PTGR2: variants seen among roughly 807,000 people sequenced by gnomAD.
PTGR2 encodes the protein 15-oxoprostaglandin 13-reductase.
Under a neutral mutation model 43.4 loss-of-function variants are expected in PTGR2, and 32 were observed. The ratio of observed to expected loss-of-function variants is 0.74; its 90% confidence interval spans 0.56 to 0.99. The LOEUF (loss-of-function observed/expected upper bound fraction) is 0.99, where lower values mean the gene tolerates loss of function less well. Among genes scored for constraint, PTGR2 ranks in the 50% least tolerant of loss-of-function variants. The pLI, the probability that PTGR2 is intolerant of heterozygous loss-of-function variation, is 0.00. For missense variants in PTGR2, 373 were observed against 420.0 expected, an observed-to-expected ratio of 0.89 and a Z score of 0.98; for synonymous variants, 106 against 139.2, an observed-to-expected ratio of 0.76 and a Z score of 1.68.
In PTGR2 at chr14:73,881,197, C is replaced by T. The variant is rs764867862; in HGVS notation, c.852-8C>T. 1.9e-6 allele frequency: 3 copies of T among 1,548,140 alleles called. No homozygotes were observed. The highest frequency in any genetic ancestry group is 1.1e-5 in the South Asian group (1 of 89,474). Reference sequence around the variant, plus strand: ...CTCTGATCATTATCCTTTTCTTCCTCACTGCAGGGAAAGATTTCTGGTATT... The same window carrying T: ...CTCTGATCATTATCCTTTTCTTCCTTACTGCAGGGAAAGATTTCTGGTATT... On this transcript the variant is annotated splice_polypyrimidine_tract_variant and splice_region_variant and intron_variant, in intron 7 of 9. Transcript: ENST00000555661.
At chr14:73,874,597 C>A (rs1047911635) in intron 4 of PTGR2, 3 of 456,380 alleles carry the variant, frequency 6.6e-6, no homozygotes, top group Non-Finnish European at 1.3e-5. Flanking sequence ...TGGGTTGTCA[C>A]TGTGTTGCCC....
intron 1 of PTGR2, among the ~76,000 whole-genome samples, chr14:73,852,577 A>ACGAG (rs1006358086): frequency 1.2e-4 from 19 of 152,196 alleles, no homozygotes; most frequent in African/African-American, 3.4e-4. Flanking sequence ...AACAAAGCAG[A>ACGAG]CGAGTCCTTA....
chr14:73,877,003 C>T lies in PTGR2; in HGVS notation c.354C>T (p.Asp118=), dbSNP rs1771390404. The T allele has an allele frequency of 1.2e-6, 2 of 1,610,560 alleles. No individual in the cohort carries two copies. Among genetic ancestry groups the T allele is most frequent in the Non-Finnish European group, 8.5e-7 (1 of 1,178,268 alleles). The change falls in exon 5 of 10, where the codon GAC becomes GAT. Residue 118 remains aspartate, a synonymous_variant. Coordinates refer to ENST00000555661, the MANE Select transcript of PTGR2 (RefSeq NM_001146154.2). ...ILDGNSLEKV[D]PQLVDGHLSY... is the part of the protein sequence containing the mutation. Reference sequence around the variant, plus strand: ...GGGTATATATTTTATTTTAGGTAGACCCACAACTTGTGGATGGACACCTTT... The same window carrying T: ...GGGTATATATTTTATTTTAGGTAGATCCACAACTTGTGGATGGACACCTTT...
chr14:73,869,950 G>T (rs982209079), intron 3 of PTGR2, among the ~76,000 whole-genome samples: 1 of 151,974 alleles, frequency 6.6e-6, no homozygotes, highest in Non-Finnish European at 1.5e-5. Context: ...CGCTTGAGCC[G>T]GGGAGGCGGA....
chr14:73,853,286 G>A (rs8020809), intron 1 of PTGR2, among the ~76,000 whole-genome samples: 73,001 of 151,748 alleles, frequency 0.48, 17,917 homozygotes, highest in South Asian at 0.61. Context: ...GGCGACTCTG[G>A]GCGAATTATT....
At chr14:73,856,064 A>C (rs996595969) in intron 1 of PTGR2, among the ~76,000 whole-genome samples, 1 of 151,262 alleles carries the variant, frequency 6.6e-6, no homozygotes, top group Non-Finnish European at 1.5e-5. Flanking sequence ...TCAAAAAAAA[A>C]AGAAAGAAAT....
At chr14:73,853,348 GT>G (rs11292350) in intron 1 of PTGR2, among the ~76,000 whole-genome samples, 73,697 of 150,546 alleles carry the variant, frequency 0.49, 18,255 homozygotes, top group South Asian at 0.61. Flanking sequence ...TTGAGATGGA[GT>G]TTCGCTCTTG....
chr14:73,883,086 G>T (rs556180228), intron 9 of PTGR2, among the ~76,000 whole-genome samples: 1 of 150,946 alleles, frequency 6.6e-6, no homozygotes, highest in East Asian at 2.0e-4. Context: ...CTCTCAAAGT[G>T]CTGGGATTAC....
intron 7 of PTGR2, 53 bp downstream of exon 7, chr14:73,880,229 A>G: frequency 6.3e-7 from 1 of 1,587,846 alleles, no homozygotes; most frequent in Non-Finnish European, 8.6e-7. Context: ...TTTAAATATC[A>G]TAGATGTGTA....
intron 3 of PTGR2, among the ~76,000 whole-genome samples, chr14:73,869,708 A>G (rs2054681440): frequency 6.6e-6 from 1 of 152,078 alleles, no homozygotes; most frequent in African/African-American, 2.4e-5. Context: ...TTCACTAGAC[A>G]TTCTCTATGC....
chr14:73,862,298 C>T (rs1390035116), intron 3 of PTGR2, among the ~76,000 whole-genome samples: 2 of 151,988 alleles, frequency 1.3e-5, no homozygotes, highest in Admixed American at 6.6e-5. Flanking sequence ...AGCTCCGCCT[C>T]CCGGGTTCAC....
chr14:73,874,643 C>T (rs1453763219), intron 4 of PTGR2: 3 of 455,088 alleles, frequency 6.6e-6, no homozygotes, highest in Non-Finnish European at 1.3e-5. Context: ...AAGCAATCCT[C>T]CCACCTCAGC....
chr14:73,859,699 C>A (rs1012966583), intron 2 of PTGR2, among the ~76,000 whole-genome samples: 41 of 151,098 alleles, frequency 2.7e-4, no homozygotes, highest in Admixed American at 4.0e-4. Context: ...CTTTTATATT[C>A]ATTTAAGTTT....
chr14:73,860,627 A>T lies in PTGR2; in HGVS notation c.126A>T (p.Arg42Ser), dbSNP rs2054467437. 1 of 1,523,316 alleles carries T rather than the reference A, an allele frequency of 6.6e-7. No homozygotes were observed. 94.4% of individuals were successfully genotyped at this position (1,523,316 alleles called of 1,614,324 possible). A position where few individuals can be genotyped will look rare whatever the true frequency, so the allele number is the denominator to read the frequency against. ...DNINEGQVQV[R>S]TLYLSVDPYM... ...TTAATGAAGGACAAGTACAAGTTAG[A>T]ACTCTTTATCTTTCTGTGGATCCTT... The change falls in exon 3 of 10, where the codon AGA becomes AGT. Residue 42 changes from arginine to serine, a missense_variant. Transcript: ENST00000555661.
intron 3 of PTGR2, among the ~76,000 whole-genome samples, chr14:73,865,116 A>C (rs569332904): frequency 1.3e-5 from 2 of 152,298 alleles, no homozygotes; most frequent in African/African-American, 4.8e-5. Context: ...TTGGCTCACA[A>C]GATTATGGAA....
rs1349160797 is a variant in PTGR2, at chr14:73,874,030, G to A, written c.164G>A (p.Arg55Lys). 4 of 1,585,642 alleles carry A rather than the reference G, an allele frequency of 2.5e-6. No homozygotes were observed. Among genetic ancestry groups the A allele is most frequent in the Non-Finnish European group, 2.6e-6 (3 of 1,169,018 alleles). Residue 55 changes from arginine (R) to lysine (K), a missense_variant, in exon 4 of 10, where the codon AGA becomes AAA. Transcript: ENST00000555661. ...YLSVDPYMRC[R>K]MNEDTGTDYI... is the part of the protein sequence containing the mutation. ...AATGTTTTCTTTTTTCAGCGTTGTA[G>A]AATGAATGAAGACACTGGCACTGAT...
In PTGR2 at chr14:73,874,195, A is replaced by G. The variant is rs1331496532; in HGVS notation, c.329A>G (p.Asp110Gly). 1.9e-6 allele frequency: 3 copies of G among 1,613,102 alleles called. 1 individual carries two copies. The South Asian group carries it at 3.3e-5, about 18-fold the overall frequency. ...CCCTGGCAAACCAAGGTTATTCTGG[A>G]TGGAAATAGCCTTGAAAAGGTGATA... ...YWPWQTKVIL[D>G]GNSLEKVDPQ... The change falls in exon 4 of 10, where the codon GAT (aspartate) becomes GGT (glycine). Residue 110 changes from aspartate (D) to glycine (G), a missense_variant. By Grantham distance (94) the Asp-to-Gly change is moderately conservative (BLOSUM62 -1). Transcript: ENST00000555661.
At chr14:73,876,063 C>G (rs1176755779) in intron 4 of PTGR2, among the ~76,000 whole-genome samples, 1 of 151,982 alleles carries the variant, frequency 6.6e-6, no homozygotes, top group Non-Finnish European at 1.5e-5. Context: ...ACATGATCCA[C>G]CCACCTCAGC....
intron 5 of PTGR2, chr14:73,878,053 G>A (rs2054902402): frequency 6.6e-6 from 1 of 152,198 alleles, no homozygotes; most frequent in South Asian, 2.1e-4. Context: ...GGCTGAGGCA[G>A]GAAGAGTACT....
Sources: gnomAD v4.1 joint callset for allele counts (sites outside exome capture counted in the v4.1 genomes callset) on GRCh38, gnomAD v4.1.1 for gene constraint, MANE v1.5 for transcripts, NCBI Gene and HGNC (gene_info 2026-07-23, HGNC 2026-07-21) for gene names.